The following PLCB1 variants were observed in gnomAD, a reference collection of about 807,000 sequenced individuals.
PLCB1 encodes the protein 1-phosphatidylinositol 4,5-bisphosphate phosphodiesterase beta-1.
A neutral mutation model predicts 161.8 loss-of-function variants in PLCB1; 46 were observed. The ratio of observed to expected loss-of-function variants is 0.28; its 90% CI spans 0.22 to 0.36. The LOEUF is 0.36. Among genes scored for constraint, PLCB1 ranks in the 10% least tolerant of loss-of-function variants. The probability of loss-of-function intolerance (pLI) is 1.00; values close to 1 mark genes in which losing one functional copy is unlikely to be tolerated. For synonymous variants in PLCB1, 517 were observed against 503.7 expected (o/e 1.03, Z -0.35); for missense variants, 1,016 against 1,472.5 (o/e 0.69, Z 5.07).
chr20:8,457,194 G>A (rs1180498092), intron 3 of PLCB1, among the ~76,000 whole-genome samples: 1 of 152,224 alleles, frequency 6.6e-6, no homozygotes, highest in African/African-American at 2.4e-5. Flanking sequence ...AAGTTCAAGT[G>A]TGAAGCACTG....
At chr20:8,264,633 A>T (rs1024556606) in intron 2 of PLCB1, among the ~76,000 whole-genome samples, 11 of 152,064 alleles carry the variant, frequency 7.2e-5, no homozygotes, top group Non-Finnish European at 1.6e-4. Context: ...GGTTATAGGA[A>T]TTTTTTCAGC....
intron 2 of PLCB1, among the ~76,000 whole-genome samples, chr20:8,160,398 C>T (rs372731310): frequency 3.9e-5 from 6 of 152,106 alleles, no homozygotes; most frequent in African/African-American, 7.2e-5. Context: ...TGTATTAGGC[C>T]GTTTTCATGC....
At chr20:8,538,457 C>T (rs1985140065) in intron 3 of PLCB1, among the ~76,000 whole-genome samples, 1 of 152,066 alleles carries the variant, frequency 6.6e-6, no homozygotes, top group Non-Finnish European at 1.5e-5. Flanking sequence ...AATGATCCTC[C>T]CACCTCAAAA....
Position 8,466,571 on chromosome 20 carries a change from A to G in PLCB1, c.246+95121A>G, listed in dbSNP as rs542876371. Among the ~76,000 whole-genome samples the G allele has an allele frequency of 2.6e-5, 4 of 152,270 alleles. No individual in the cohort carries two copies. The East Asian group carries it at 7.7e-4, about 29-fold the overall frequency. The stretch of plus-strand genomic sequence containing the variant: ...GGCAGCTCTTTTTGCCATCCACAAC[A>G]AAATACTAACAATTGAGCCTATAAT... On this transcript the variant is annotated intron_variant, in intron 3 of 31. Transcript: ENST00000338037.
At chr20:8,344,343 C>T (rs947203447) in intron 2 of PLCB1, among the ~76,000 whole-genome samples, 1 of 152,180 alleles carries the variant, frequency 6.6e-6, no homozygotes, top group Non-Finnish European at 1.5e-5. Context: ...GCACCGTGTC[C>T]TTAGTCCACC....
At chr20:8,407,955 A>C (rs918970140) in intron 3 of PLCB1, among the ~76,000 whole-genome samples, 1 of 152,222 alleles carries the variant, frequency 6.6e-6, no homozygotes, top group African/African-American at 2.4e-5. Context: ...AAAGTCTGAG[A>C]AAACTCGTGG....
At chr20:8,716,186 A>C in intron 12 of PLCB1, 78 bp from the exon 13 acceptor site, 1 of 1,029,414 alleles carries the variant, frequency 9.7e-7, no homozygotes, top group South Asian at 1.3e-5. Flanking sequence ...TTCTGTAGTT[A>C]ATAACACAAA....
chr20:8,875,511 T>TA (rs1289255071), intron 31 of PLCB1, among the ~76,000 whole-genome samples: 9 of 147,598 alleles, frequency 6.1e-5, no homozygotes, highest in Non-Finnish European at 1.3e-4. Context: ...TAAAATATTT[T>TA]TATATATAAA....
At chr20:8,504,486 C>T (rs552418651) in intron 3 of PLCB1, among the ~76,000 whole-genome samples, 1 of 152,210 alleles carries the variant, frequency 6.6e-6, no homozygotes, top group South Asian at 2.1e-4. Context: ...TTTAATTTTT[C>T]ATTTAGTTAT....
intron 3 of PLCB1, among the ~76,000 whole-genome samples, chr20:8,541,562 G>A (rs183168939): frequency 2.0e-3 from 231 of 114,400 alleles, no homozygotes; most frequent in African/African-American, 7.5e-3. Context: ...AAGGAAGAAA[G>A]AGAAAGAAAG....
intron 25 of PLCB1, among the ~76,000 whole-genome samples, chr20:8,764,405 CTGAGTTAAATACTTTCCA>C (rs1982208061): frequency 6.6e-6 from 1 of 152,138 alleles, no homozygotes; most frequent in African/African-American, 2.4e-5. Flanking sequence ...GTGCCAGAAA[CTGAGTTAAATACTTTCCA>C]TGAGTTCTTT....
At chr20:8,286,149 AC>A (rs895820356) in intron 2 of PLCB1, among the ~76,000 whole-genome samples, 20 of 152,150 alleles carry the variant, frequency 1.3e-4, no homozygotes, top group African/African-American at 4.8e-4. Context: ...GCATGGCTAA[AC>A]CCCGTCTCTA....
In PLCB1 at chr20:8,669,370, A is replaced by G. The variant is rs114657110; in HGVS notation, c.862+10666A>G. 4.1e-3 allele frequency among the ~76,000 whole-genome samples: 630 copies of G among 152,292 alleles called. 2 individuals carry two copies. Among genetic ancestry groups the G allele is most frequent in the African/African-American group, 0.015 (609 of 41,560 alleles). On this transcript the variant is annotated intron_variant, in intron 9 of 31. Coordinates refer to ENST00000338037, the MANE Select transcript of PLCB1 (RefSeq NM_015192.4). ...TGTACAAAACCTCAGACAAGTCTTCAAGTGCATATTATTATTCCCATTTTA... is the reference window on the plus strand; with the variant it reads ...TGTACAAAACCTCAGACAAGTCTTCGAGTGCATATTATTATTCCCATTTTA...
chr20:8,778,651 A>G (rs1482089016), intron 27 of PLCB1, among the ~76,000 whole-genome samples: 2 of 152,212 alleles, frequency 1.3e-5, no homozygotes, highest in Non-Finnish European at 2.9e-5. Context: ...TGGCCCTTTC[A>G]GGCCAAATGT....
At chr20:8,805,082 A>G (rs1474559537) in intron 31 of PLCB1, among the ~76,000 whole-genome samples, 5 of 151,296 alleles carry the variant, frequency 3.3e-5, no homozygotes, top group African/African-American at 1.2e-4. Flanking sequence ...AATGTTTTCT[A>G]TTATGATAGA....
At chr20:8,355,196 T>C (rs976013079) in intron 2 of PLCB1, among the ~76,000 whole-genome samples, 1 of 152,024 alleles carries the variant, frequency 6.6e-6, no homozygotes, top group Non-Finnish European at 1.5e-5. Flanking sequence ...CTTGTGACTT[T>C]CTATGATCAG....
intron 3 of PLCB1, among the ~76,000 whole-genome samples, chr20:8,537,490 G>T (rs774366046): frequency 2.0e-5 from 3 of 151,916 alleles, no homozygotes; most frequent in Non-Finnish European, 4.4e-5. Flanking sequence ...CCTGGTGCTG[G>T]CTGTGACCAA....
intron 3 of PLCB1, among the ~76,000 whole-genome samples, chr20:8,536,019 C>G (rs1985036567): frequency 6.6e-6 from 1 of 151,798 alleles, no homozygotes; most frequent in South Asian, 2.1e-4. Context: ...TGAAGTTATA[C>G]AAGTTTCAGG....
intron 2 of PLCB1, among the ~76,000 whole-genome samples, chr20:8,211,008 A>G (rs577039895): frequency 2.0e-5 from 3 of 152,122 alleles, no homozygotes; most frequent in Non-Finnish European, 4.4e-5. Flanking sequence ...AAGAGGCAAG[A>G]TTATTTAATG....
Sources: gnomAD v4.1 joint callset for allele counts (sites outside exome capture counted in the v4.1 genomes callset) on GRCh38, gnomAD v4.1.1 for gene constraint, MANE v1.5 for transcripts, NCBI Gene and HGNC (gene_info 2026-07-23, HGNC 2026-07-21) for gene names.